Variants in NTM observed in about 807,000 individuals in gnomAD.
The protein encoded by NTM is IgLON family member 2.
Under a neutral mutation model 42.1 loss-of-function variants are expected in NTM, and 13 were observed. The ratio of observed to expected loss-of-function variants is 0.31; its 90% CI spans 0.20 to 0.49. The LOEUF (loss-of-function observed/expected upper bound fraction) is 0.49, where lower values mean the gene tolerates loss of function less well. NTM is among the 20% of genes least tolerant of loss of function. The pLI, the probability that NTM is intolerant of heterozygous loss-of-function variation, is 0.99. For missense variants in NTM, 373 were observed against 452.8 expected (o/e 0.82, Z 1.60); for synonymous variants, 187 against 179.2 (o/e 1.04, Z -0.35).
intron 7 of NTM, among the ~76,000 whole-genome samples, chr11:132,319,959 AAT>A (rs1045612063): frequency 3.3e-5 from 5 of 152,246 alleles, no homozygotes; most frequent in African/African-American, 1.2e-4. Flanking sequence ...GTGGTTCACC[AAT>A]ATCCCCTGTT....
intron 2 of NTM, among the ~76,000 whole-genome samples, chr11:132,096,902 T>G (rs1262208769): frequency 6.6e-6 from 1 of 152,032 alleles, no homozygotes; most frequent in Admixed American, 6.5e-5. Flanking sequence ...GCCCTGGGAG[T>G]GTACAGTCTA....
chr11:131,802,662 G>A (rs1404948276), intron 1 of NTM, among the ~76,000 whole-genome samples: 1 of 152,204 alleles, frequency 6.6e-6, no homozygotes, highest in African/African-American at 2.4e-5. Flanking sequence ...TCAATGGTCG[G>A]TATGTGTGGG....
intron 4 of NTM, among the ~76,000 whole-genome samples, chr11:132,233,411 A>G (rs2088057093): frequency 6.6e-6 from 1 of 152,166 alleles, no homozygotes; most frequent in Non-Finnish European, 1.5e-5. Context: ...AAAATATCTC[A>G]AAGCCAGTGT....
intron 2 of NTM, among the ~76,000 whole-genome samples, chr11:131,958,112 C>T (rs2061752554): frequency 6.6e-6 from 1 of 152,078 alleles, no homozygotes; most frequent in Admixed American, 6.5e-5. Flanking sequence ...TAGCAGAAAC[C>T]TTGTAAAATT....
intron 2 of NTM, among the ~76,000 whole-genome samples, chr11:131,988,353 A>G (rs1326461686): frequency 6.6e-6 from 1 of 152,228 alleles, no homozygotes; most frequent in Non-Finnish European, 1.5e-5. Flanking sequence ...TTGATTTGTT[A>G]AGGAACATTT....
chr11:132,330,564 T>A (rs1224086253), intron 8 of NTM, among the ~76,000 whole-genome samples: 4 of 152,164 alleles, frequency 2.6e-5, no homozygotes, highest in Non-Finnish European at 5.9e-5. Flanking sequence ...CTTGCACCAT[T>A]CTTTCTATCT....
chr11:131,989,719 A>G (rs967972168), intron 2 of NTM, among the ~76,000 whole-genome samples: 61 of 91,358 alleles, frequency 6.7e-4, no homozygotes, highest in African/African-American at 3.3e-3. Context: ...AGATACATGC[A>G]CACACACACA....
intron 4 of NTM, among the ~76,000 whole-genome samples, chr11:132,280,584 C>G (rs1226115525): frequency 6.9e-6 from 1 of 145,714 alleles, no homozygotes; most frequent in Non-Finnish European, 1.5e-5. Context: ...CTCCCAGGTT[C>G]AAGCGATTCT....
At chr11:132,013,222 G>A (rs1320001573) in intron 2 of NTM, among the ~76,000 whole-genome samples, 1 of 152,116 alleles carries the variant, frequency 6.6e-6, no homozygotes, top group Non-Finnish European at 1.5e-5. Context: ...ATTGTTTTGA[G>A]AAGTGATATC....
chr11:131,660,747 A>C (rs2067923171), intron 1 of NTM: 3 of 663,292 alleles, frequency 4.5e-6, no homozygotes, highest in Non-Finnish European at 6.6e-6. Context: ...AAAATCACGA[A>C]GGGAGACTGG....
chr11:132,327,390 G>C (rs1007505719), intron 7 of NTM, among the ~76,000 whole-genome samples: 1 of 152,224 alleles, frequency 6.6e-6, no homozygotes, highest in African/African-American at 2.4e-5. Context: ...AGTAAACTCT[G>C]TATATCAGAA....
At chr11:131,714,639 C>A (rs1043870157) in intron 1 of NTM, among the ~76,000 whole-genome samples, 2 of 152,202 alleles carry the variant, frequency 1.3e-5, no homozygotes, top group Non-Finnish European at 2.9e-5. Flanking sequence ...CTACCTTGCT[C>A]ATGTCTGACT....
intron 1 of NTM, among the ~76,000 whole-genome samples, chr11:131,698,117 TA>T (rs1162061127): frequency 4.6e-5 from 7 of 152,176 alleles, no homozygotes; most frequent in African/African-American, 1.7e-4. Flanking sequence ...GCCCCCATGT[TA>T]ATATTGGGAT....
intron 1 of NTM, among the ~76,000 whole-genome samples, chr11:131,554,993 C>T (rs1000207034): frequency 2.0e-5 from 3 of 152,130 alleles, no homozygotes; most frequent in African/African-American, 7.2e-5. Flanking sequence ...AAAAGCTATA[C>T]ACTTTCTAAA....
chr11:131,789,639 G>GAAGAAGAA (rs2090496203), intron 1 of NTM, among the ~76,000 whole-genome samples: 1 of 109,716 alleles, frequency 9.1e-6, no homozygotes, highest in Non-Finnish European at 1.8e-5. Context: ...AAGAAGAAAA[G>GAAGAAGAA]AAGAAGAAGA....
chr11:131,695,768 G>C (rs933396912), intron 1 of NTM, among the ~76,000 whole-genome samples: 2 of 152,140 alleles, frequency 1.3e-5, no homozygotes, highest in African/African-American at 4.8e-5. Flanking sequence ...CGTTTCCCAC[G>C]TAATCCTTAA....
chr11:132,334,973 C>A, intron 8 of NTM, 73 bp from the exon 9 acceptor site: 1 of 1,571,918 alleles, frequency 6.4e-7, no homozygotes, highest in Non-Finnish European at 8.6e-7. Flanking sequence ...CAAATGACAG[C>A]AGACCAGGCA....
intron 1 of NTM, among the ~76,000 whole-genome samples, chr11:131,704,884 A>G (rs998641712): frequency 2.0e-5 from 3 of 152,214 alleles, no homozygotes; most frequent in African/African-American, 4.8e-5. Context: ...AAGGAGAATC[A>G]GTGAGCTCAA....
intron 1 of NTM, among the ~76,000 whole-genome samples, chr11:131,760,740 C>CAA (rs1271995015): frequency 1.3e-5 from 2 of 152,114 alleles, no homozygotes; most frequent in Non-Finnish European, 2.9e-5. Flanking sequence ...AACACAAGGG[C>CAA]CTTTGAAGTG....
Sources: allele counts gnomAD v4.1 joint callset (sites outside exome capture counted in the v4.1 genomes callset), GRCh38; gene constraint gnomAD v4.1.1; transcripts MANE v1.5; gene names NCBI Gene and HGNC (gene_info 2026-07-23, HGNC 2026-07-21).